EBF1: variants seen among roughly 807,000 people sequenced by gnomAD.
The protein encoded by EBF1 is EBF transcription factor 1, also known as transcription factor COE1.
Under a neutral mutation model 68.4 loss-of-function variants are expected in EBF1, and 10 were observed. The ratio of observed to expected loss-of-function variants is 0.15; its 90% confidence interval spans 0.09 to 0.25. The LOEUF (loss-of-function observed/expected upper bound fraction) is 0.25. EBF1 is among the 10% of genes least tolerant of loss of function. EBF1 has a pLI of 1.00. For missense variants in EBF1, 509 were observed against 794.4 expected (o/e 0.64, Z 4.32); for synonymous variants, 298 against 299.8 (o/e 0.99, Z 0.06).
At chr5:158,807,108 C>T (rs115252299) in intron 8 of EBF1, among the ~76,000 whole-genome samples, 135 of 152,184 alleles carry the variant, frequency 8.9e-4, no homozygotes, top group Non-Finnish European at 1.3e-3. Context: ...AATTGGATAC[C>T]GCTGATCTCA....
chr5:158,885,112 C>A (rs1799766756), intron 6 of EBF1, among the ~76,000 whole-genome samples: 1 of 152,218 alleles, frequency 6.6e-6, no homozygotes, highest in African/African-American at 2.4e-5. Flanking sequence ...AGGTCTATGA[C>A]TGTTTGGGGA....
intron 15 of EBF1, among the ~76,000 whole-genome samples, chr5:158,704,251 A>G (rs1757372196): frequency 6.6e-6 from 1 of 152,224 alleles, no homozygotes; most frequent in South Asian, 2.1e-4. Flanking sequence ...ACCATGTGAC[A>G]TGGCCGTGCT....
At chr5:158,768,242 G>C (rs1030006261) in intron 10 of EBF1, among the ~76,000 whole-genome samples, 2 of 152,032 alleles carry the variant, frequency 1.3e-5, no homozygotes, top group African/African-American at 4.8e-5. Flanking sequence ...ATTCCAGGGG[G>C]CTATGCTTTA....
intron 6 of EBF1, among the ~76,000 whole-genome samples, chr5:159,040,037 C>T (rs1027600462): frequency 1.3e-5 from 2 of 152,148 alleles, no homozygotes; most frequent in Non-Finnish European, 1.5e-5. Context: ...CTTTAAAATG[C>T]CACCTCACTT....
At chr5:158,868,577 T>G (rs39879) in intron 6 of EBF1, among the ~76,000 whole-genome samples, 26,968 of 152,172 alleles carry the variant, frequency 0.18, 2,440 homozygotes, top group African/African-American at 0.2. Context: ...CAGTGCTTTT[T>G]TGTTATGTGA....
At chr5:158,822,916 T>C (rs1203901507) in intron 8 of EBF1, among the ~76,000 whole-genome samples, 1 of 152,164 alleles carries the variant, frequency 6.6e-6, no homozygotes, top group Non-Finnish European at 1.5e-5. Context: ...TCCTTCTTTC[T>C]CTCAACCTGA....
rs1406616862 is a variant in EBF1, at chr5:158,766,690, A to G, written c.1036+10723T>C. On this transcript the variant is annotated intron_variant, in intron 10 of 15. Transcript: ENST00000313708. ...ATGGCTGTCCAATGATAGAGGAATG[A>G]TGAAGCAAATTATGGTGCAGCCATC... 2.6e-5 allele frequency among the ~76,000 whole-genome samples: 4 copies of G among 152,184 alleles called. No homozygotes were observed. The East Asian group carries it at 7.7e-4, about 29-fold the overall frequency.
rs755494878 is a variant in EBF1, at chr5:159,097,024, G to C, written c.241C>G (p.Pro81Ala). 1 of 1,614,040 alleles carries C rather than the reference G, an allele frequency of 6.2e-7. No homozygotes were observed. Among genetic ancestry groups the C allele is most frequent in the Non-Finnish European group, 8.5e-7 (1 of 1,180,000 alleles). ...VLALYDRQGQ[P>A]VEIERTAFVG... Reference sequence around the variant, plus strand: ...AACGCTGTCCTCTCGATCTCCACGGGCTGGCCCTGTCTGTCGTAGAGGGCC... The same window carrying C: ...AACGCTGTCCTCTCGATCTCCACGGCCTGGCCCTGTCTGTCGTAGAGGGCC... Residue 81 changes from proline (P) to alanine (A), a missense_variant, in exon 2 of 16, where the codon CCC becomes GCC. By Grantham distance (27) the Pro-to-Ala change is conservative. Coordinates refer to ENST00000313708, the MANE Select transcript of EBF1 (RefSeq NM_024007.5).
intron 8 of EBF1, among the ~76,000 whole-genome samples, chr5:158,813,956 G>A (rs116717157): frequency 0.013 from 2,015 of 152,256 alleles, 18 homozygotes; most frequent in Non-Finnish European, 0.02. Flanking sequence ...TGACAGATAA[G>A]TATAGAGACA....
intron 6 of EBF1, among the ~76,000 whole-genome samples, chr5:158,945,094 T>C (rs1159263671): frequency 6.6e-6 from 1 of 152,234 alleles, no homozygotes; most frequent in Non-Finnish European, 1.5e-5. Flanking sequence ...CATTTGTCAA[T>C]GTTGGCTTTT....
At chr5:159,044,754 A>G (rs1387419948) in intron 6 of EBF1, among the ~76,000 whole-genome samples, 1 of 152,254 alleles carries the variant, frequency 6.6e-6, no homozygotes, top group Admixed American at 6.5e-5. Context: ...GTGTTAACTA[A>G]GTAGTGTAAT....
At position 158,698,652 on chromosome 5, in the gene EBF1, TTCC is replaced by T. The variant is rs1561662585; in HGVS notation, c.*456_*458del. 44 of 193,034 alleles carry T rather than the reference TTCC, an allele frequency of 2.3e-4. No individual in the cohort carries two copies. In the East Asian group the frequency reaches 3.2e-3, roughly 14 times the overall value. 12.0% of individuals were successfully genotyped at this position (193,034 alleles called of 1,614,324 possible). A position where few individuals can be genotyped will look rare whatever the true frequency, so the allele number is the denominator to read the frequency against. ...CTGTCCCATACAAGCTTTTTTTTTT[TTCC>T]TTTTTTTCTTTTTTTTTTTTTTTAC... On this transcript the variant is annotated 3_prime_UTR_variant, in exon 16 of 16. Coordinates refer to ENST00000313708, the MANE Select transcript of EBF1 (RefSeq NM_024007.5).
In EBF1 at chr5:158,969,904, G is replaced by GAAAGAAAGA. The variant is rs1554093886; in HGVS notation, c.554+103483_554+103491dup. On this transcript the variant is annotated intron_variant, in intron 6 of 15. Coordinates refer to ENST00000313708, the MANE Select transcript of EBF1 (RefSeq NM_024007.5). ...AGAAAGAAAGAAAGAAAGAAAGAAA[G>GAAAGAAAGA]AAAGAAAGAAAGAAAAAAAAAAAAA... is the stretch of plus-strand genomic sequence containing the variant. Among the ~76,000 whole-genome samples the GAAAGAAAGA allele has an allele frequency of 1.4e-3, 146 of 105,672 alleles. 6 individuals are homozygous for GAAAGAAAGA. The highest frequency in any genetic ancestry group is 3.7e-3 in the Admixed American group (34 of 9,216). 69.3% of individuals were successfully genotyped at this position (105,672 alleles called of 152,430 possible).
chr5:158,950,723 T>G (rs1193052318), intron 6 of EBF1, among the ~76,000 whole-genome samples: 5 of 152,202 alleles, frequency 3.3e-5, no homozygotes, highest in Non-Finnish European at 5.9e-5. Context: ...TGAAATCTCA[T>G]CATGACTATA....
At chr5:158,833,691 T>C (rs1788108910) in intron 7 of EBF1, among the ~76,000 whole-genome samples, 1 of 151,938 alleles carries the variant, frequency 6.6e-6, no homozygotes, top group African/African-American at 2.4e-5. Flanking sequence ...ATAAAAGGAG[T>C]CCAGGTCCCC....
chr5:158,712,398 C>T (rs1415346974), intron 13 of EBF1, 65 bp from the exon 14 acceptor site: 4 of 1,565,664 alleles, frequency 2.6e-6, no homozygotes, highest in Non-Finnish European at 3.5e-6. Flanking sequence ...CTGGAAGACT[C>T]GGGGAAAGGA....
At chr5:158,735,645 C>T (rs1394683406) in intron 10 of EBF1, among the ~76,000 whole-genome samples, 1 of 152,132 alleles carries the variant, frequency 6.6e-6, no homozygotes, top group Non-Finnish European at 1.5e-5. Flanking sequence ...CTGTTGTATG[C>T]ACCAGGATGC....
chr5:158,977,925 T>G (rs890662909), intron 6 of EBF1, among the ~76,000 whole-genome samples: 17 of 152,210 alleles, frequency 1.1e-4, no homozygotes, highest in African/African-American at 3.4e-4. Flanking sequence ...TGGGTGATTC[T>G]GACTCAAAAA....
intron 5 of EBF1, among the ~76,000 whole-genome samples, chr5:159,080,158 T>C (rs1325297357): frequency 2.0e-5 from 3 of 152,138 alleles, no homozygotes; most frequent in Non-Finnish European, 4.4e-5. Flanking sequence ...CTCAGGACCA[T>C]CCACCTGCAG....
Sources: gnomAD v4.1 joint callset for allele counts (sites outside exome capture counted in the v4.1 genomes callset) on GRCh38, gnomAD v4.1.1 for gene constraint, MANE v1.5 for transcripts, NCBI Gene and HGNC (gene_info 2026-07-23, HGNC 2026-07-21) for gene names.